The following ECE1 variants were observed in gnomAD, a reference collection of about 807,000 sequenced individuals.
ECE1 encodes the protein endothelin converting enzyme 1.
A neutral mutation model predicts 98.6 loss-of-function variants in ECE1; 35 were observed. That is an observed-to-expected ratio of 0.35 (90% CI 0.27 to 0.47). The LOEUF (loss-of-function observed/expected upper bound fraction) is 0.47. Ranked by LOEUF, ECE1 falls within the 20% of genes least tolerant of loss-of-function variation. The pLI, the probability that ECE1 is intolerant of heterozygous loss-of-function variation, is 1.00. For missense variants in ECE1, 814 were observed against 1,025.3 expected, an observed-to-expected ratio of 0.79 and a Z score of 2.81; for synonymous variants, 394 against 407.1, an observed-to-expected ratio of 0.97 and a Z score of 0.39.
chr1:21,345,269 C>A lies in ECE1; in HGVS notation c.3+107G>T, dbSNP rs1341060627. The A allele has an allele frequency of 8.3e-6, 10 of 1,207,894 alleles. No homozygotes were observed. Among genetic ancestry groups the A allele is most frequent in the Non-Finnish European group, 1.0e-5 (10 of 974,290 alleles). 74.8% of individuals were successfully genotyped at this position (1,207,894 alleles called of 1,614,324 possible). On this transcript the variant is annotated intron_variant, in intron 1 of 18. Transcript: ENST00000415912. The surrounding 1 kb of genome is among the most constrained non-coding windows in gnomAD (Gnocchi z 5.1). ...CGGGGGCTGCTGCTGCAGCCGGCGC[C>A]CAGCCCCCCGCGAGCCAGGGCGGCC...
chr1:21,339,359 T>C (rs1639359963), intron 1 of ECE1, among the ~76,000 whole-genome samples: 1 of 152,168 alleles, frequency 6.6e-6, no homozygotes, highest in African/African-American at 2.4e-5. Context: ...CCTATCCCTG[T>C]CCCAGTGGGC....
Position 21,290,084 on chromosome 1 carries a change from G to A in ECE1, c.124C>T (p.Pro42Ser). 4 of 1,541,516 alleles carry A rather than the reference G, an allele frequency of 2.6e-6. No homozygotes were observed. Among genetic ancestry groups the A allele is most frequent in the Non-Finnish European group, 3.5e-6 (4 of 1,144,366 alleles). The change falls in exon 2 of 19, where the codon CCC becomes TCC. Residue 42 changes from proline to serine, a missense_variant. Pro to Ser is a moderately conservative substitution (Grantham distance 74). Coordinates refer to ENST00000374893, the MANE Select transcript of ECE1 (RefSeq NM_001397.3). The surrounding 1 kb of genome is among the most constrained non-coding windows in gnomAD (Gnocchi z 7.3). ...AGGGCGCCTACCTGCAGGCCGTTGG[G>A]GTATGCGTCGCCCTCGGAGAGCGAG... Reference protein sequence around the residue: ...VDSLSEGDAYPNGLQVNFHSP... With the variant: ...VDSLSEGDAYSNGLQVNFHSP...
In ECE1 at chr1:21,263,347, CT is replaced by C. The variant is rs570725922; in HGVS notation, c.494-2956del. ...AGGCCGGATGCCCACCTAAGGTTTCCTTTTTTTATATTTATTTTTTTTTTTT... is the reference window on the plus strand; with the variant it reads ...AGGCCGGATGCCCACCTAAGGTTTCCTTTTTTATATTTATTTTTTTTTTTT... On this transcript the variant is annotated intron_variant, in intron 4 of 18. Coordinates refer to ENST00000374893, the MANE Select transcript of ECE1 (RefSeq NM_001397.3). 2.7e-3 allele frequency among the ~76,000 whole-genome samples: 396 copies of C among 145,140 alleles called. 1 individual carries two copies. Among genetic ancestry groups the C allele is most frequent in the Middle Eastern group, 0.024 (7 of 286 alleles).
At chr1:21,253,631 CG>C (rs1407300020) in intron 8 of ECE1, among the ~76,000 whole-genome samples, 11 of 149,934 alleles carry the variant, frequency 7.3e-5, no homozygotes, top group Non-Finnish European at 1.0e-4. Context: ...GGCGTGGTGG[CG>C]GGTGCCTGTA....
In ECE1 at chr1:21,317,210, T is replaced by C. The variant is rs376423564; in HGVS notation, c.4-27054A>G. 1.8e-4 allele frequency among the ~76,000 whole-genome samples: 27 copies of C among 152,358 alleles called. No individual in the cohort carries two copies. The East Asian group carries it at 3.5e-3, about 20-fold the overall frequency. On this transcript the variant is annotated intron_variant, in intron 1 of 18. Transcript: ENST00000415912. Reference sequence around the variant, plus strand: ...ACCCACCAGAATAGGTCAGACAGACTTGGGCTTCGAGCCAGCCCTGTGCTT... The same window carrying C: ...ACCCACCAGAATAGGTCAGACAGACCTGGGCTTCGAGCCAGCCCTGTGCTT...
chr1:21,276,780 G>A (rs1430304233), intron 3 of ECE1, among the ~76,000 whole-genome samples: 1 of 151,488 alleles, frequency 6.6e-6, no homozygotes, highest in African/African-American at 2.4e-5. Flanking sequence ...CTGCCTCCCA[G>A]GTTCAAGTGA....
chr1:21,234,167 T>C (rs2098185236), intron 13 of ECE1, among the ~76,000 whole-genome samples: 1 of 151,596 alleles, frequency 6.6e-6, no homozygotes, highest in Non-Finnish European at 1.5e-5. Flanking sequence ...TTTGTATTTT[T>C]AGTAAAGACG....
intron 1 of ECE1, among the ~76,000 whole-genome samples, chr1:21,316,001 C>A (rs1638824019): frequency 6.6e-6 from 1 of 152,134 alleles, no homozygotes; most frequent in Admixed American, 6.5e-5. Context: ...TTTGGGAGAA[C>A]CCCTCCTCAC....
intron 1 of ECE1, among the ~76,000 whole-genome samples, chr1:21,324,168 G>A (rs907878495): frequency 6.6e-6 from 1 of 152,100 alleles, no homozygotes; most frequent in Non-Finnish European, 1.5e-5. Context: ...GCCCAAGCTG[G>A]AGTGCGGCCT....
rs1330873016 is a variant in ECE1 at position 21,235,240 on chromosome 1, CCTAA to C, written c.1566+606_1566+609del. On this transcript the variant is annotated intron_variant, in intron 13 of 18. Transcript: ENST00000374893. This position sits in a 1 kb window ranked among gnomAD's most constrained non-coding sequence, Gnocchi z 4.2. ...TAATTTGAGGCAGAAGCACAATCCA[CCTAA>C]CTGAGTGATTTGCCAAAAGTTCTAA... 1.3e-5 allele frequency among the ~76,000 whole-genome samples: 2 copies of C among 152,228 alleles called. No individual in the cohort carries two copies. The highest frequency in any genetic ancestry group is 2.1e-4 in the South Asian group (1 of 4,832).
At chr1:21,315,413 A>G (rs374743732) in intron 1 of ECE1, among the ~76,000 whole-genome samples, 13 of 152,168 alleles carry the variant, frequency 8.5e-5, no homozygotes, top group East Asian at 7.7e-4. Flanking sequence ...GCCAAAGGTG[A>G]TCTACCAGCT....
intron 1 of ECE1, among the ~76,000 whole-genome samples, chr1:21,329,332 C>T (rs927245052): frequency 6.6e-6 from 1 of 152,220 alleles, no homozygotes; most frequent in Non-Finnish European, 1.5e-5. Flanking sequence ...CTACCGCCGA[C>T]TTGCAATTCC....
At chr1:21,228,424 A>T (rs1400085506) in intron 14 of ECE1, among the ~76,000 whole-genome samples, 1 of 152,158 alleles carries the variant, frequency 6.6e-6, no homozygotes, top group Non-Finnish European at 1.5e-5. Flanking sequence ...ATAAGGAATC[A>T]GTTAATTAAT....
rs777714423 is a variant in ECE1, at chr1:21,225,357, T to A, written c.1933A>T (p.Met645Leu). 8 of 1,614,104 alleles carry A rather than the reference T, an allele frequency of 5.0e-6. No homozygotes were observed. The highest frequency in any genetic ancestry group is 6.8e-6 in the Non-Finnish European group (8 of 1,180,050). Reference protein sequence around the residue: ...VEAFKRQTECMVEQYSNYSVN... With the variant: ...VEAFKRQTECLVEQYSNYSVN... ...CTGTAGTTGCTGTACTGCTCTACCA[T>A]GCACTCGGTCTGACGCTTGAAGGCC... is the stretch of plus-strand genomic sequence containing the variant. Residue 645 changes from methionine to leucine, a missense_variant, in exon 17 of 19, where the codon ATG becomes TTG. By Grantham distance (15) the Met-to-Leu change is conservative. Coordinates refer to ENST00000374893, the MANE Select transcript of ECE1 (RefSeq NM_001397.3). The surrounding 1 kb of genome is among the most constrained non-coding windows in gnomAD (Gnocchi z 5.3).
At chr1:21,262,020 T>C (rs533760139) in intron 4 of ECE1, among the ~76,000 whole-genome samples, 1 of 152,258 alleles carries the variant, frequency 6.6e-6, no homozygotes, top group African/African-American at 2.4e-5. Context: ...TTTCCCAGCC[T>C]CACCCCGAGA....
chr1:21,291,771 G>A (rs1037447643), upstream of ECE1, among the ~76,000 whole-genome samples: 2 of 152,024 alleles, frequency 1.3e-5, no homozygotes, highest in African/African-American at 4.8e-5. Flanking sequence ...AGGTTGCAGT[G>A]AGCTGAGATT....
In ECE1 at chr1:21,245,058, G is replaced by A. The variant is rs762826966; in HGVS notation, c.1209C>T (p.Ser403=). Residue 403 remains serine (S), a synonymous_variant, in exon 10 of 19, where the codon AGC becomes AGT. Transcript: ENST00000374893. ...YMIWNLVRKT[S]SFLDQRFQDA... The stretch of plus-strand genomic sequence containing the variant: ...CCTGAAAGCGCTGGTCAAGGAAGGA[G>A]CTTGTTTTCCGCACCAGGTTCCAGA... 11 of 1,614,224 alleles carry A rather than the reference G, an allele frequency of 6.8e-6. No individual in the cohort carries two copies. The South Asian group carries it at 9.9e-5, about 14-fold the overall frequency.
At chr1:21,230,387 T>C (rs2098180249) in intron 14 of ECE1, among the ~76,000 whole-genome samples, 1 of 151,890 alleles carries the variant, frequency 6.6e-6, no homozygotes, top group South Asian at 2.1e-4. Context: ...AAGAATTCTC[T>C]TTTTTTTGAA....
At chr1:21,335,245 C>T (rs1365796096) in intron 1 of ECE1, among the ~76,000 whole-genome samples, 1 of 152,090 alleles carries the variant, frequency 6.6e-6, no homozygotes, top group South Asian at 2.1e-4. Context: ...CTTTCCTGGC[C>T]GCTCCTCTAG....
Sources: allele counts gnomAD v4.1 joint callset (sites outside exome capture counted in the v4.1 genomes callset), GRCh38; gene constraint gnomAD v4.1.1; non-coding constraint Gnocchi (gnomAD v3.1); transcripts MANE v1.5; gene names NCBI Gene and HGNC (gene_info 2026-07-23, HGNC 2026-07-21).